The following ZCCHC7 variants were observed in gnomAD, a reference collection of about 807,000 sequenced individuals.
ZCCHC7 encodes zinc finger CCHC-type containing 7.
In ZCCHC7, 35 loss-of-function variants were observed where a neutral mutation model predicts 52.0. That is an observed-to-expected ratio of 0.67 (90% confidence interval 0.51 to 0.89). The LOEUF is 0.89. Ranked by LOEUF, ZCCHC7 falls within the 40% of genes least tolerant of loss-of-function variation. The pLI, the probability that ZCCHC7 is intolerant of heterozygous loss-of-function variation, is 0.00. For synonymous variants in ZCCHC7, 217 were observed against 221.5 expected (o/e 0.98, Z 0.18); for missense variants, 574 against 649.1 (o/e 0.88, Z 1.26).
At chr9:37,355,534 C>A (rs1821645331) in intron 8 of ZCCHC7, among the ~76,000 whole-genome samples, 1 of 152,082 alleles carries the variant, frequency 6.6e-6, no homozygotes, top group Admixed American at 6.6e-5. Context: ...GGTACTAATT[C>A]TGAGGAAAAT....
intron 5 of ZCCHC7, among the ~76,000 whole-genome samples, chr9:37,318,837 A>T (rs1446862437): frequency 6.6e-6 from 1 of 151,528 alleles, no homozygotes; most frequent in African/African-American, 2.4e-5. Flanking sequence ...CTGAAGTGGG[A>T]GAATCACAAG....
chr9:37,165,686 A>G (rs753858698), intron 2 of ZCCHC7, among the ~76,000 whole-genome samples: 2 of 152,154 alleles, frequency 1.3e-5, no homozygotes, highest in African/African-American at 2.4e-5. Context: ...TTGCATTTAG[A>G]AAAAAAGCTG....
At chr9:37,257,523 A>G (rs1200366388) in intron 2 of ZCCHC7, among the ~76,000 whole-genome samples, 1 of 152,238 alleles carries the variant, frequency 6.6e-6, no homozygotes, top group Non-Finnish European at 1.5e-5. Context: ...TTGAAAATAC[A>G]AAACAATGCC....
At chr9:37,194,413 GAATC>G (rs1823179486) in intron 2 of ZCCHC7, among the ~76,000 whole-genome samples, 1 of 152,108 alleles carries the variant, frequency 6.6e-6, no homozygotes. Flanking sequence ...TATAGGTAGA[GAATC>G]AAGCAGGATG....
intron 2 of ZCCHC7, among the ~76,000 whole-genome samples, chr9:37,260,250 T>C (rs1003966734): frequency 6.6e-6 from 1 of 152,208 alleles, no homozygotes; most frequent in African/African-American, 2.4e-5. Flanking sequence ...TGAGCCGCTC[T>C]TTCATGGGGC....
intron 2 of ZCCHC7, among the ~76,000 whole-genome samples, chr9:37,224,570 G>A (rs1824998239): frequency 6.6e-6 from 1 of 152,156 alleles, no homozygotes; most frequent in Admixed American, 6.5e-5. Flanking sequence ...GGGAAATAAA[G>A]TGACTTCTGT....
rs569005953 is a variant in ZCCHC7 at position 37,128,573 on chromosome 9, CT to C, written c.610+1634del. 2.2e-3 allele frequency among the ~76,000 whole-genome samples: 332 copies of C among 152,242 alleles called. 1 individual carries two copies. Among genetic ancestry groups the C allele is most frequent in the Non-Finnish European group, 3.9e-3 (267 of 68,000 alleles). On this transcript the variant is annotated intron_variant, in intron 2 of 8. Coordinates refer to ENST00000336755, the MANE Select transcript of ZCCHC7 (RefSeq NM_032226.3). ...GAAAGAAGCTACTACTCTTACATGA[CT>C]TTGTGTTTTATTAATCACAACATTG...
intron 2 of ZCCHC7, among the ~76,000 whole-genome samples, chr9:37,227,115 A>G (rs1310767588): frequency 6.6e-6 from 1 of 152,134 alleles, no homozygotes; most frequent in Admixed American, 6.5e-5. Flanking sequence ...CTATAAAAAG[A>G]AAAATATAAA....
At chr9:37,163,692 A>T (rs1564151224) in intron 2 of ZCCHC7, among the ~76,000 whole-genome samples, 1 of 152,184 alleles carries the variant, frequency 6.6e-6, no homozygotes, top group Non-Finnish European at 1.5e-5. Flanking sequence ...TTTGAAGCCC[A>T]GTGTGTCAGT....
rs773350471 is a variant in ZCCHC7 at position 37,327,822 on chromosome 9, G to A, written c.975G>A (p.Gln325=). 2 of 1,613,134 alleles carry A rather than the reference G, an allele frequency of 1.2e-6. No individual in the cohort carries two copies. Among genetic ancestry groups the A allele is most frequent in the East Asian group, 2.2e-5 (1 of 44,842 alleles). Residue 325 remains glutamine (Q), a synonymous_variant, in exon 6 of 9, where the codon CAG becomes CAA. Transcript: ENST00000336755. ...AGGCTTGCACAGAAATCTGGAGGCA[G>A]TATCACCTAACGGTGAGTAGAAACA... The part of the protein sequence containing the change: ...YTDACTEIWR[Q]YHLTTKPGPP...
intron 2 of ZCCHC7, among the ~76,000 whole-genome samples, chr9:37,202,668 G>T (rs1420606205): frequency 3.3e-5 from 5 of 152,152 alleles, no homozygotes; most frequent in Non-Finnish European, 7.4e-5. Flanking sequence ...TTTTTGTAGA[G>T]ATGGGGTTTT....
At chr9:37,245,170 AT>A (rs1262539028) in intron 2 of ZCCHC7, among the ~76,000 whole-genome samples, 1 of 151,914 alleles carries the variant, frequency 6.6e-6, no homozygotes, top group African/African-American at 2.4e-5. Flanking sequence ...TTTGGCATAA[AT>A]TGAGTAACTT....
At chr9:37,317,730 A>G (rs1413196628) in intron 5 of ZCCHC7, among the ~76,000 whole-genome samples, 1 of 152,184 alleles carries the variant, frequency 6.6e-6, no homozygotes. Context: ...TATAAAAAAC[A>G]AAAAGCATAA....
At chr9:37,150,016 A>G (rs1241529140) in intron 2 of ZCCHC7, among the ~76,000 whole-genome samples, 1 of 152,220 alleles carries the variant, frequency 6.6e-6, no homozygotes, top group African/African-American at 2.4e-5. Flanking sequence ...GCAGTTTTTC[A>G]TCTCCTTTTC....
intron 2 of ZCCHC7, among the ~76,000 whole-genome samples, chr9:37,208,934 A>G (rs1824063046): frequency 6.6e-6 from 1 of 152,204 alleles, no homozygotes; most frequent in African/African-American, 2.4e-5. Flanking sequence ...ACTATCACCT[A>G]TCAATGCTCT....
intron 2 of ZCCHC7, among the ~76,000 whole-genome samples, chr9:37,132,812 A>G (rs1029596606): frequency 2.0e-5 from 3 of 152,218 alleles, no homozygotes; most frequent in Non-Finnish European, 4.4e-5. Context: ...CACACATAAA[A>G]AACACTAATA....
intron 2 of ZCCHC7, among the ~76,000 whole-genome samples, chr9:37,208,920 T>C (rs954693176): frequency 2.0e-5 from 3 of 152,254 alleles, no homozygotes; most frequent in African/African-American, 4.8e-5. Context: ...TCTTATCTCC[T>C]AATACTATCA....
chr9:37,344,246 A>G (rs1588699629), intron 6 of ZCCHC7, among the ~76,000 whole-genome samples: 1 of 152,184 alleles, frequency 6.6e-6, no homozygotes, highest in African/African-American at 2.4e-5. Context: ...GAGAGCATTT[A>G]TTATTTGGAG....
intron 2 of ZCCHC7, among the ~76,000 whole-genome samples, chr9:37,209,475 A>G (rs1308259055): frequency 6.6e-6 from 1 of 151,996 alleles, no homozygotes; most frequent in Non-Finnish European, 1.5e-5. Flanking sequence ...CTCAAATATC[A>G]TCAGAGAGAA....
Sources: allele counts gnomAD v4.1 joint callset (sites outside exome capture counted in the v4.1 genomes callset), GRCh38; gene constraint gnomAD v4.1.1; transcripts MANE v1.5; gene names NCBI Gene and HGNC (gene_info 2026-07-23, HGNC 2026-07-21).